Variants in SPSB2 observed in about 807,000 individuals in gnomAD.
SPSB2 encodes the protein splA/ryanodine receptor domain and SOCS box containing 2.
SPSB2 carries 25 observed loss-of-function variants against 19.2 expected under a neutral mutation model. The ratio of observed to expected loss-of-function variants is 1.30; its 90% CI spans 0.95 to 1.82. The LOEUF is 1.82. Among genes scored for constraint, SPSB2 ranks in the 40% most tolerant of loss-of-function variants. SPSB2 has a pLI of 0.00. For missense variants in SPSB2, 413 were observed against 344.9 expected, an observed-to-expected ratio of 1.20 and a Z score of -1.56; for synonymous variants, 153 against 154.9, an observed-to-expected ratio of 0.99 and a Z score of 0.09.
In SPSB2 at chr12:6,872,642, C is replaced by A. The variant is rs1555134042; in HGVS notation, c.260G>T (p.Gly87Val). The change falls in exon 2 of 3, where the codon GGC becomes GTC. Residue 87 changes from glycine to valine, a missense_variant. Gly to Val is a moderately radical substitution (Grantham distance 109). Transcript: ENST00000524270. ...GARGKRGYSR[G>V]LHAWEISWPL... is the part of the protein sequence containing the mutation. ...CCAGCTGATCTCCCAGGCGTGCAGG[C>A]CCCTTGAATAGCCCCTCTTACCCCG... 2.5e-6 allele frequency: 4 copies of A among 1,611,562 alleles called. No homozygotes were observed. The highest frequency in any genetic ancestry group is 2.7e-5 in the African/African-American group (2 of 74,960).
At position 6,872,329 on chromosome 12, in the gene SPSB2, G is replaced by T. The variant is rs782572696; in HGVS notation, c.573C>A (p.Phe191Leu). Residue 191 changes from phenylalanine (F) to leucine (L), a missense_variant, in exon 2 of 3, where the codon TTC becomes TTA. Physicochemically the swap from Phe to Leu is conservative, Grantham distance 22 (BLOSUM62 0). Coordinates refer to ENST00000524270, the MANE Select transcript of SPSB2 (RefSeq NM_032641.4). Reference sequence around the variant, plus strand: ...AGAGGGTCCTGCCCTTCAGTCCGCGGAATGCTGGCCCCAGGTAGGTGCCCC... The same window carrying T: ...AGAGGGTCCTGCCCTTCAGTCCGCGTAATGCTGGCCCCAGGTAGGTGCCCC... ...AIGGTYLGPA[F>L]RGLKGRTLYP... 6.2e-7 allele frequency: 1 copy of T among 1,614,204 alleles called. No homozygotes were observed. Among genetic ancestry groups the T allele is most frequent in the Admixed American group, 1.7e-5 (1 of 60,030 alleles).
chr12:6,870,952 C>CTTACTA lies in SPSB2; in HGVS notation c.*234_*239dup. 1.5e-6 allele frequency: 1 copy of CTTACTA among 669,900 alleles called. No individual in the cohort carries two copies. Among genetic ancestry groups the CTTACTA allele is most frequent in the South Asian group, 1.6e-5 (1 of 63,972 alleles). The allele number at this position is 669,900 out of a possible 1,614,324, so 41.5% of individuals were successfully genotyped here. ...AGAACAGGTTTCTATAACAACATCT[C>CTTACTA]TTACTATTTTTACTTGAAAAAATGT... On this transcript the variant is annotated 3_prime_UTR_variant, in exon 3 of 3. Coordinates refer to ENST00000524270, the MANE Select transcript of SPSB2 (RefSeq NM_032641.4).
chr12:6,872,361 C>T lies in SPSB2; in HGVS notation c.541G>A (p.Ala181Thr), dbSNP rs1944613292. Residue 181 changes from alanine (A) to threonine (T), a missense_variant, in exon 2 of 3, where the codon GCT (alanine) becomes ACT (threonine). Transcript: ENST00000524270. ...GGCCCCAGGTAGGTGCCCCCAATAGCGTAGCCCAGAGTTCCCTCCTCCATG... is the reference window on the plus strand; with the variant it reads ...GGCCCCAGGTAGGTGCCCCCAATAGTGTAGCCCAGAGTTCCCTCCTCCATG... Reference protein sequence around the residue: ...LDMEEGTLGYAIGGTYLGPAF... With the variant: ...LDMEEGTLGYTIGGTYLGPAF... The T allele has an allele frequency of 6.2e-7, 1 of 1,614,112 alleles. No homozygotes were observed. Among genetic ancestry groups the T allele is most frequent in the Non-Finnish European group, 8.5e-7 (1 of 1,180,044 alleles).
In SPSB2 at chr12:6,872,557, C is replaced by CA. The variant is rs782340028; in HGVS notation, c.344dup (p.Gln116AlafsTer3). The CA allele has an allele frequency of 1.2e-6, 2 of 1,609,696 alleles. No individual in the cohort carries two copies. The highest frequency in any genetic ancestry group is 2.7e-5 in the African/African-American group (2 of 74,932). On this transcript the variant is annotated frameshift_variant, in exon 2 of 3. Transcript: ENST00000524270. LOFTEE classifies it high-confidence loss of function. The stretch of plus-strand genomic sequence containing the variant: ...GCAGCGCCGCGTAGTGGTCAGTCTG[C>CA]AGCGGGGCGAGGGCCGTGGCCACGC...
chr12:6,872,064 G>C, intron 2 of SPSB2, 174 bp downstream of exon 2: 1 of 1,558,052 alleles, frequency 6.4e-7, no homozygotes, highest in South Asian at 1.2e-5. Context: ...CTCTATTGCT[G>C]TTGGGTTAAA....
chr12:6,873,021 G>A, intron 1 of SPSB2, 24 bp from the exon 2 acceptor site: 1 of 696,200 alleles, frequency 1.4e-6, no homozygotes, highest in South Asian at 2.1e-5. Flanking sequence ...GGCGTGAAGA[G>A]CAGAATCCTG....
rs1555133135 is a variant in SPSB2, at chr12:6,870,995, C to T, written c.*197G>A. On this transcript the variant is annotated 3_prime_UTR_variant, in exon 3 of 3. Transcript: ENST00000524270. ...AAAAATGTTTTGCGTAGCAGACTGT[C>T]ATAGCCTTGAACGCCGGCTCCCTTT... The T allele has an allele frequency of 2.9e-6, 2 of 695,986 alleles. No homozygotes were observed. The highest frequency in any genetic ancestry group is 2.2e-5 in the Admixed American group (1 of 45,128). The allele number at this position is 695,986 out of a possible 1,614,324, so 43.1% of individuals were successfully genotyped here.
At position 6,871,222 on chromosome 12, in the gene SPSB2, A is replaced by G. The variant is rs781818021; in HGVS notation, c.762T>C (p.Pro254=). ...LGQVSALPLP[P]AMKRYLLYQ ...GGTAGAGCAGGTAGCGCTTCATGGC[A>G]GGGGGCAAGGGCAGGGCAGACACCT... The change falls in exon 3 of 3, where the codon CCT becomes CCC. Residue 254 remains proline, a synonymous_variant. Transcript: ENST00000524270. The G allele has an allele frequency of 1.1e-5, 17 of 1,610,900 alleles. No individual in the cohort carries two copies. The highest frequency in any genetic ancestry group is 1.7e-5 in the Admixed American group (1 of 59,330).
At chr12:6,873,039 C>T (rs1307032125) in intron 1 of SPSB2, 42 bp from the exon 2 acceptor site, 4 of 624,068 alleles carry the variant, frequency 6.4e-6, no homozygotes, top group Non-Finnish European at 1.1e-5. Context: ...CTGGCGGGGG[C>T]TCGTCACCCA....
chr12:6,871,061 A>G lies in SPSB2; in HGVS notation c.*131T>C. 6.0e-5 allele frequency: 72 copies of G among 1,202,294 alleles called. No individual in the cohort carries two copies. The highest frequency in any genetic ancestry group is 8.2e-5 in the Non-Finnish European group (70 of 853,974). The allele number at this position is 1,202,294 out of a possible 1,614,324, so 74.5% of individuals were successfully genotyped here. A position where few individuals can be genotyped will look rare whatever the true frequency, so the allele number is the denominator to read the frequency against. ...TGGCTCTGGGGCTGTTGATTTCCGC[A>G]GAGCTTGGGTTGGGGTAGGGGCTCA... On this transcript the variant is annotated 3_prime_UTR_variant, in exon 3 of 3. Coordinates refer to ENST00000524270, the MANE Select transcript of SPSB2 (RefSeq NM_032641.4).
In SPSB2 at chr12:6,872,857, C is replaced by A. The variant is rs1267338814; in HGVS notation, c.45G>T (p.Thr15=). The change falls in exon 2 of 3, where the codon ACG becomes ACT. Residue 15 remains threonine, a synonymous_variant. Coordinates refer to ENST00000524270, the MANE Select transcript of SPSB2 (RefSeq NM_032641.4). The part of the protein sequence containing the change: ...ALAGGSSSTP[T]PQALYPDLSC... ...AGAGGTCAGGGTACAGGGCCTGTGG[C>A]GTGGGGGTGCTGCTGCTGCCCCCTG... 1 of 1,598,044 alleles carries A rather than the reference C, an allele frequency of 6.3e-7. No homozygotes were observed. Among genetic ancestry groups the A allele is most frequent in the Admixed American group, 1.7e-5 (1 of 59,440 alleles).
At chr12:6,871,694 C>G in intron 2 of SPSB2, 1 of 341,854 alleles carries the variant, frequency 2.9e-6, no homozygotes, top group Non-Finnish European at 5.4e-6. Flanking sequence ...CCAGTCAGTT[C>G]CTGGGGAGGC....
intron 1 of SPSB2, 92 bp downstream of exon 1, chr12:6,873,154 G>A: frequency 4.4e-6 from 2 of 453,624 alleles, no homozygotes; most frequent in African/African-American, 2.0e-5. Context: ...TCTGATCCAG[G>A]TCGCCAGAGA....
Position 6,872,911 on chromosome 12 carries a change from G to A in SPSB2, c.-10C>T. On this transcript the variant is annotated 5_prime_UTR_variant, in exon 2 of 3. Transcript: ENST00000524270. Reference sequence around the variant, plus strand: ...GAGCTGTCTGGCCCATGGAGGTGAGGAGCTAGAGGACTCCCCGAAAGAGGC... The same window carrying A: ...GAGCTGTCTGGCCCATGGAGGTGAGAAGCTAGAGGACTCCCCGAAAGAGGC... The A allele has an allele frequency of 6.5e-7, 1 of 1,535,404 alleles. No individual in the cohort carries two copies. Among genetic ancestry groups the A allele is most frequent in the Non-Finnish European group, 8.8e-7 (1 of 1,139,806 alleles).
rs1472494041 is a variant in SPSB2, at chr12:6,871,005, A to G, written c.*187T>C. The G allele has an allele frequency of 1.7e-5, 12 of 710,874 alleles. No individual in the cohort carries two copies. Among genetic ancestry groups the G allele is most frequent in the Non-Finnish European group, 2.9e-5 (12 of 411,452 alleles). 44.0% of individuals were successfully genotyped at this position (710,874 alleles called of 1,614,324 possible). On this transcript the variant is annotated 3_prime_UTR_variant, in exon 3 of 3. Coordinates refer to ENST00000524270, the MANE Select transcript of SPSB2 (RefSeq NM_032641.4). Reference sequence around the variant, plus strand: ...TGCGTAGCAGACTGTCATAGCCTTGAACGCCGGCTCCCTTTCTTCCTCCCT... The same window carrying G: ...TGCGTAGCAGACTGTCATAGCCTTGGACGCCGGCTCCCTTTCTTCCTCCCT...
Position 6,872,957 on chromosome 12 carries a change from TC to T in SPSB2, c.-57del. 7.8e-7 allele frequency: 1 copy of T among 1,289,110 alleles called. No individual in the cohort carries two copies. Among genetic ancestry groups the T allele is most frequent in the East Asian group, 2.4e-5 (1 of 41,994 alleles). 79.9% of individuals were successfully genotyped at this position (1,289,110 alleles called of 1,614,324 possible). ...GAGGCTTGCTGGGGCGTCTTTCTCT[TC>T]TGAAAGTTGAGCTCCAGTTTGGATT... On this transcript the variant is annotated 5_prime_UTR_variant, in exon 2 of 3. Transcript: ENST00000524270.
chr12:6,873,034 G>A, intron 1 of SPSB2, 37 bp from the exon 2 acceptor site: 1 of 642,646 alleles, frequency 1.6e-6, no homozygotes, highest in South Asian at 2.3e-5. Context: ...GAATCCTGGC[G>A]GGGGCTCGTC....
chr12:6,872,140 T>G (rs1029238583), intron 2 of SPSB2, 98 bp downstream of exon 2: 2 of 1,613,040 alleles, frequency 1.2e-6, no homozygotes, highest in Non-Finnish European at 1.7e-6. Context: ...GCAGGCTGGA[T>G]GAAGGTCCAT....
At position 6,871,337 on chromosome 12, in the gene SPSB2, G is replaced by A. The variant is rs781970120; in HGVS notation, c.665-18C>T. 6 of 1,608,030 alleles carry A rather than the reference G, an allele frequency of 3.7e-6. No homozygotes were observed. The highest frequency in any genetic ancestry group is 3.3e-5 in the South Asian group (3 of 90,260). ...TGGCTCCGCTGGGAGAGAGAAGGAG[G>A]GGAATGTAAGTATGGGTGCAGCCAC... is the stretch of plus-strand genomic sequence containing the variant. On this transcript the variant is annotated intron_variant, in intron 2 of 2. Coordinates refer to ENST00000524270, the MANE Select transcript of SPSB2 (RefSeq NM_032641.4).
Sources: gnomAD v4.1 joint callset for allele counts on GRCh38, gnomAD v4.1.1 for gene constraint, MANE v1.5 for transcripts, NCBI Gene and HGNC (gene_info 2026-07-23, HGNC 2026-07-21) for gene names.